The following PTPRM variants were observed in gnomAD, a reference collection of about 807,000 sequenced individuals.
PTPRM encodes the protein receptor-type tyrosine-protein phosphatase mu.
A neutral mutation model predicts 186.7 loss-of-function variants in PTPRM; 47 were observed. The observed-to-expected ratio is 0.25, with a 90% CI of 0.20 to 0.32. The LOEUF (loss-of-function observed/expected upper bound fraction) is 0.32. Ranked by LOEUF, PTPRM falls within the 10% of genes least tolerant of loss-of-function variation. The pLI is 1.00. For synonymous variants in PTPRM, 668 were observed against 674.9 expected (o/e 0.99, Z 0.16); for missense variants, 1,494 against 1,865.0 (o/e 0.80, Z 3.66).
Position 7,888,302 on chromosome 18 carries a change from T to G in PTPRM, c.393T>G (p.Asn131Lys), listed in dbSNP as rs2048888357. 1 of 1,614,094 alleles carries G rather than the reference T, an allele frequency of 6.2e-7. No individual in the cohort carries two copies. ...GGCCACTGGGGAATCCTATCTGGAA[T>G]ATATCTGGAGACCCAACACGTACAT... ...NNGPLGNPIWNISGDPTRTWN... is the reference protein window; with the variant it reads ...NNGPLGNPIWKISGDPTRTWN... The change falls in exon 3 of 33, where the codon AAT (asparagine) becomes AAG (lysine). Residue 131 changes from asparagine to lysine, a missense_variant. Physicochemically the swap from Asn to Lys is moderately conservative, Grantham distance 94. Transcript: ENST00000580170.
intron 2 of PTPRM, among the ~76,000 whole-genome samples, chr18:7,830,024 C>A (rs2045680837): frequency 6.6e-6 from 1 of 152,088 alleles, no homozygotes; most frequent in South Asian, 2.1e-4. Context: ...AATGGCATAC[C>A]TCCTTTCTCA....
At chr18:8,195,056 A>G (rs1414221505) in intron 14 of PTPRM, among the ~76,000 whole-genome samples, 1 of 151,622 alleles carries the variant, frequency 6.6e-6, no homozygotes, top group African/African-American at 2.4e-5. Flanking sequence ...CTGCACAGAA[A>G]CCTCTCAAAA....
chr18:8,158,190 A>T (rs968895798), intron 14 of PTPRM, among the ~76,000 whole-genome samples: 1 of 152,242 alleles, frequency 6.6e-6, no homozygotes, highest in Non-Finnish European at 1.5e-5. Flanking sequence ...CTTAATTCCT[A>T]AACTCAAGCC....
chr18:8,141,497 G>A (rs1287595194), intron 13 of PTPRM, among the ~76,000 whole-genome samples: 1 of 152,216 alleles, frequency 6.6e-6, no homozygotes, highest in South Asian at 2.1e-4. Context: ...ATGAAAGGCT[G>A]CAGGTAACCA....
chr18:8,116,017 A>G (rs2091941822), intron 13 of PTPRM, among the ~76,000 whole-genome samples: 1 of 152,200 alleles, frequency 6.6e-6, no homozygotes, highest in African/African-American at 2.4e-5. Context: ...TTTTTATATC[A>G]TATTGTACCT....
chr18:8,378,137 C>T, intron 26 of PTPRM, 128 bp from the exon 27 acceptor site: 2 of 933,012 alleles, frequency 2.1e-6, no homozygotes, highest in Admixed American at 2.5e-5. Context: ...GCACTTGAGC[C>T]CTTGGACCGT....
intron 5 of PTPRM, among the ~76,000 whole-genome samples, chr18:7,934,403 A>C (rs530247830): frequency 6.6e-6 from 1 of 152,328 alleles, no homozygotes; most frequent in South Asian, 2.1e-4. Context: ...TCTCCAGTCT[A>C]ATAAATTGCT....
At chr18:7,722,075 A>G (rs928712499) in intron 1 of PTPRM, among the ~76,000 whole-genome samples, 11 of 152,224 alleles carry the variant, frequency 7.2e-5, no homozygotes, top group African/African-American at 2.4e-4. Context: ...ACAAGTATGT[A>G]AGGACATGTG....
chr18:8,027,988 C>T (rs2085680995), intron 7 of PTPRM, among the ~76,000 whole-genome samples: 1 of 151,856 alleles, frequency 6.6e-6, no homozygotes, highest in African/African-American at 2.4e-5. Flanking sequence ...TGCACATGGC[C>T]GTTCATTGTT....
chr18:8,299,536 G>A lies in PTPRM; in HGVS notation c.2842+3081G>A, dbSNP rs912809104. 7.3e-5 allele frequency among the ~76,000 whole-genome samples: 11 copies of A among 151,004 alleles called. No individual in the cohort carries two copies. The South Asian group carries it at 1.7e-3, about 23-fold the overall frequency. On this transcript the variant is annotated intron_variant, in intron 20 of 32. Transcript: ENST00000580170. The stretch of plus-strand genomic sequence containing the variant: ...TGGGAGATGGAGGTTGCAGTGAGCC[G>A]ATCATGCCACTGCACTCCAGCCTGG...
intron 29 of PTPRM, 40 bp downstream of exon 29, chr18:8,380,467 G>T (rs1360112624): frequency 8.7e-6 from 14 of 1,611,534 alleles, no homozygotes; most frequent in Non-Finnish European, 1.2e-5. Flanking sequence ...TAGTGCCAGG[G>T]GGTCAAGTTT....
At chr18:7,975,065 T>A (rs571910303) in intron 7 of PTPRM, among the ~76,000 whole-genome samples, 1 of 152,296 alleles carries the variant, frequency 6.6e-6, no homozygotes, top group African/African-American at 2.4e-5. Context: ...GATGCATCCT[T>A]GCACCACACA....
intron 14 of PTPRM, among the ~76,000 whole-genome samples, chr18:8,207,985 T>C (rs1258386293): frequency 6.6e-6 from 1 of 152,202 alleles, no homozygotes; most frequent in Non-Finnish European, 1.5e-5. Context: ...TTACGTGCCA[T>C]ATTTTTTAAA....
chr18:8,036,672 T>C (rs1282488478), intron 7 of PTPRM, among the ~76,000 whole-genome samples: 1 of 152,170 alleles, frequency 6.6e-6, no homozygotes, highest in African/African-American at 2.4e-5. Context: ...CATGGTTAGA[T>C]TTAAGACCAG....
intron 23 of PTPRM, among the ~76,000 whole-genome samples, chr18:8,350,475 A>G (rs2095528617): frequency 6.6e-6 from 1 of 152,136 alleles, no homozygotes; most frequent in Admixed American, 6.5e-5. Context: ...AAGAGAGAGC[A>G]CCTTCAGTCC....
intron 3 of PTPRM, among the ~76,000 whole-genome samples, chr18:7,899,523 A>T (rs200454511): frequency 1.3e-5 from 2 of 152,120 alleles, no homozygotes; most frequent in East Asian, 3.9e-4. Context: ...AGATAAGGTG[A>T]CTCTGTGATT....
Position 8,247,873 on chromosome 18 carries a change from G to A in PTPRM, c.2481G>A (p.Met827Ile), listed in dbSNP as rs1376611117. 3 of 1,606,812 alleles carry A rather than the reference G, an allele frequency of 1.9e-6. No individual in the cohort carries two copies. The highest frequency in any genetic ancestry group is 1.7e-6 in the Non-Finnish European group (2 of 1,173,496). ...RSVSSPSSFT[M>I]KTNTLSTSVP... ...TGTCTTCACCATCGTCCTTCACAAT[G>A]AAAACAAATACACTGAGCACATCGG... The change falls in exon 16 of 33, where the codon ATG becomes ATA. Residue 827 changes from methionine to isoleucine, a missense_variant. Physicochemically the swap from Met to Ile is conservative, Grantham distance 10. This residue lies in a region of PTPRM where 1,107 missense variants were observed against 1,350.2 expected (regional missense o/e 0.82). Transcript: ENST00000580170.
intron 24 of PTPRM, among the ~76,000 whole-genome samples, chr18:8,375,773 C>G (rs2095690707): frequency 6.6e-6 from 1 of 152,178 alleles, no homozygotes; most frequent in African/African-American, 2.4e-5. Context: ...TTCAAACAAC[C>G]CAACCAATTC....
chr18:8,075,607 A>G (rs2089761908), intron 8 of PTPRM, among the ~76,000 whole-genome samples: 1 of 152,144 alleles, frequency 6.6e-6, no homozygotes, highest in Non-Finnish European at 1.5e-5. Context: ...AAAACTGGCA[A>G]ATGACATCTT....
Sources: gnomAD v4.1 joint callset for allele counts (sites outside exome capture counted in the v4.1 genomes callset) on GRCh38, gnomAD v4.1.1 for gene constraint, gnomAD v4.1.1 regional missense constraint, MANE v1.5 for transcripts, NCBI Gene and HGNC (gene_info 2026-07-23, HGNC 2026-07-21) for gene names.